The following MECR variants were observed in gnomAD, a reference collection of about 807,000 sequenced individuals.
MECR encodes enoyl-[acyl-carrier-protein] reductase, mitochondrial.
Under a neutral mutation model 49.1 loss-of-function variants are expected in MECR, and 37 were observed. The ratio of observed to expected loss-of-function variants is 0.75; its 90% CI spans 0.58 to 0.99. The LOEUF (loss-of-function observed/expected upper bound fraction) is 0.99. Among genes scored for constraint, MECR ranks in the 50% least tolerant of loss-of-function variants. The probability of loss-of-function intolerance (pLI) is 0.00; values close to 1 mark genes in which losing one functional copy is unlikely to be tolerated. For synonymous variants in MECR, 198 were observed against 191.1 expected (o/e 1.04, Z -0.30); for missense variants, 470 against 479.6 (o/e 0.98, Z 0.19).
intron 1 of MECR, among the ~76,000 whole-genome samples, chr1:29,219,018 A>C (rs1164636848): frequency 6.6e-6 from 1 of 152,122 alleles, no homozygotes; most frequent in Non-Finnish European, 1.5e-5. Context: ...TGGCAGTGTG[A>C]TCTAGAGAAG....
chr1:29,226,612 T>C (rs916156053), intron 1 of MECR, among the ~76,000 whole-genome samples: 1 of 152,200 alleles, frequency 6.6e-6, no homozygotes, highest in Admixed American at 6.6e-5. Flanking sequence ...AAGAAATCAT[T>C]TGAGGTGACT....
At chr1:29,212,772 AAC>A (rs1678336992) in intron 3 of MECR, among the ~76,000 whole-genome samples, 1 of 152,052 alleles carries the variant, frequency 6.6e-6, no homozygotes, top group African/African-American at 2.4e-5. Context: ...TCCTCTACTT[AAC>A]TCTCTGTTGG....
At chr1:29,227,089 G>A (rs569394767) in intron 1 of MECR, among the ~76,000 whole-genome samples, 1 of 150,824 alleles carries the variant, frequency 6.6e-6, no homozygotes, top group East Asian at 2.0e-4. Flanking sequence ...TCGGTCTCCC[G>A]AGTAGCTAGG....
the MECR span, chr1:29,170,160 A>G: frequency 7.2e-5 from 11 of 152,292 alleles, no homozygotes; most frequent in African/African-American, 2.6e-4. Context: ...ACTAAGGATA[A>G]ATGAAATTGA....
chr1:29,227,247 G>C (rs1039238596), intron 1 of MECR, among the ~76,000 whole-genome samples: 1 of 152,148 alleles, frequency 6.6e-6, no homozygotes, highest in African/African-American at 2.4e-5. Flanking sequence ...ACAGGCATGA[G>C]CCACCATGCC....
intron 1 of MECR, among the ~76,000 whole-genome samples, chr1:29,227,889 T>G (rs1682505404): frequency 1.3e-5 from 2 of 152,210 alleles, no homozygotes; most frequent in Admixed American, 1.3e-4. Flanking sequence ...GAAAGTAAAG[T>G]TGCCCTTCTG....
At chr1:29,195,711 G>C (rs185928563) in intron 9 of MECR, among the ~76,000 whole-genome samples, 1 of 152,320 alleles carries the variant, frequency 6.6e-6, no homozygotes, top group Admixed American at 6.5e-5. Flanking sequence ...CCCACTGTCA[G>C]CTCTTCAGGA....
chr1:29,171,836 A>G, the MECR span: 52 of 152,208 alleles, frequency 3.4e-4, no homozygotes, highest in Admixed American at 3.4e-3. Flanking sequence ...AAATTCATAC[A>G]GTACCTCAAT....
chr1:29,197,964 T>C (rs546173028), intron 7 of MECR, among the ~76,000 whole-genome samples: 1 of 152,318 alleles, frequency 6.6e-6, no homozygotes, highest in South Asian at 2.1e-4. Context: ...TCCCTAACCT[T>C]GTTGGCACCA....
At chr1:29,224,136 G>A (rs1005776848) in intron 1 of MECR, 4 of 152,204 alleles carry the variant, frequency 2.6e-5, no homozygotes, top group African/African-American at 9.7e-5. Flanking sequence ...CAGGCCCCAT[G>A]ATATGCTACA....
chr1:29,230,816 C>CGGCAGGTCCTCT lies in MECR; in HGVS notation c.90_91insAGAGGACCTGCC (p.Ala30_Ala31insArgGlyProAla). 1 of 1,607,514 alleles carries CGGCAGGTCCTCT rather than the reference C, an allele frequency of 6.2e-7. No homozygotes were observed. The highest frequency in any genetic ancestry group is 1.3e-5 in the African/African-American group (1 of 74,984). ...TCGGCGGATGCGGAGTAGGAGGAGGCGGCAGGTCCGTGACAGCCAGAAGCT... is the reference window on the plus strand; with the variant it reads ...TCGGCGGATGCGGAGTAGGAGGAGGCGGCAGGTCCTCTGGCAGGTCCGTGACAGCCAGAAGCT... On this transcript the variant is annotated inframe_insertion, in exon 1 of 10. Transcript: ENST00000263702.
downstream of MECR, among the ~76,000 whole-genome samples, chr1:29,191,177 T>C (rs1673118401): frequency 6.6e-6 from 1 of 152,194 alleles, no homozygotes; most frequent in Admixed American, 6.5e-5. Context: ...CCTCCAGATC[T>C]TGAAGCGTGG....
chr1:29,219,648 T>G (rs1680281112), intron 1 of MECR, among the ~76,000 whole-genome samples: 2 of 152,226 alleles, frequency 1.3e-5, no homozygotes. Context: ...GGACAAGACA[T>G]AGGTTCACAA....
intron 1 of MECR, among the ~76,000 whole-genome samples, chr1:29,218,214 G>T (rs1328629468): frequency 6.6e-6 from 1 of 152,192 alleles, no homozygotes; most frequent in Non-Finnish European, 1.5e-5. Context: ...GTGGCAATGT[G>T]CATGTGTTAC....
chr1:29,216,508 C>T (rs1474593241), intron 2 of MECR, 80 bp downstream of exon 2: 4 of 1,403,600 alleles, frequency 2.8e-6, no homozygotes, highest in East Asian at 4.6e-5. Context: ...CATTTCACAC[C>T]CACACCTGAG....
the MECR span, among the ~76,000 whole-genome samples, chr1:29,183,880 C>CTTTT: frequency 8.0e-6 from 1 of 125,742 alleles, no homozygotes; most frequent in East Asian, 2.3e-4. Flanking sequence ...ATTTATTCTA[C>CTTTT]TTTTTTTTTT....
chr1:29,198,107 C>T (rs1244707645), intron 7 of MECR, among the ~76,000 whole-genome samples: 2 of 152,134 alleles, frequency 1.3e-5, no homozygotes, highest in Non-Finnish European at 2.9e-5. Context: ...CCCTTCCCTG[C>T]GTGCTTCACA....
At chr1:29,180,773 T>C in the MECR span, among the ~76,000 whole-genome samples, 3 of 152,222 alleles carry the variant, frequency 2.0e-5, no homozygotes, top group Non-Finnish European at 4.4e-5. Flanking sequence ...CAGTTTTCCC[T>C]AAAACCTGTA....
intron 3 of MECR, among the ~76,000 whole-genome samples, chr1:29,211,090 T>TG (rs952187200): frequency 6.7e-6 from 1 of 149,934 alleles, no homozygotes; most frequent in Middle Eastern, 3.2e-3. Flanking sequence ...AATAAAGGGT[T>TG]TTTTTTTTTT....
Sources: allele counts gnomAD v4.1 joint callset (sites outside exome capture counted in the v4.1 genomes callset), GRCh38; gene constraint gnomAD v4.1.1; transcripts MANE v1.5; gene names NCBI Gene and HGNC (gene_info 2026-07-23, HGNC 2026-07-21).